Variants in NELL2 observed in about 807,000 individuals in gnomAD.
NELL2 encodes neural EGFL like 2.
Under a neutral mutation model 109.6 loss-of-function variants are expected in NELL2, and 41 were observed. The ratio of observed to expected loss-of-function variants is 0.37; its 90% confidence interval spans 0.29 to 0.49. The LOEUF (loss-of-function observed/expected upper bound fraction) is 0.49, where lower values mean the gene tolerates loss of function less well. NELL2 is among the 20% of genes least tolerant of loss of function. The pLI is 0.98. For synonymous variants in NELL2, 355 were observed against 344.7 expected, an observed-to-expected ratio of 1.03 and a Z score of -0.33; for missense variants, 900 against 1,008.3, an observed-to-expected ratio of 0.89 and a Z score of 1.45.
chr12:44,728,244 A>T (rs1939185104), intron 9 of NELL2, among the ~76,000 whole-genome samples: 1 of 152,066 alleles, frequency 6.6e-6, no homozygotes, highest in Admixed American at 6.5e-5. Context: ...ATAGACAGTA[A>T]TTTTTTTAAA....
rs529419878 is a variant in NELL2 at position 44,518,537 on chromosome 12, G to A, written c.2400+1468C>T. Among the ~76,000 whole-genome samples, 5 of 152,272 alleles carry A rather than the reference G, an allele frequency of 3.3e-5. 1 individual carries two copies. The highest frequency in any genetic ancestry group is 1.2e-4 in the African/African-American group (5 of 41,558). ...TGGGATTACAGGCGTGAGCCACCGT[G>A]CCCGGCCTCATTCAAATTCTTTACC... On this transcript the variant is annotated intron_variant, in intron 19 of 19. Transcript: ENST00000429094.
At chr12:44,539,750 G>C (rs1942463754) in intron 15 of NELL2, among the ~76,000 whole-genome samples, 2 of 152,044 alleles carry the variant, frequency 1.3e-5, no homozygotes, top group South Asian at 4.1e-4. Flanking sequence ...TTATCTCTAA[G>C]AGTAAATTTC....
chr12:44,893,115 C>A (rs1194754885), intron 1 of NELL2, among the ~76,000 whole-genome samples: 1 of 152,130 alleles, frequency 6.6e-6, no homozygotes, highest in Non-Finnish European at 1.5e-5. Flanking sequence ...GGTTAGAAGT[C>A]TGAAATCAGG....
chr12:44,874,235 A>T (rs1945248536), intron 2 of NELL2, among the ~76,000 whole-genome samples: 1 of 152,236 alleles, frequency 6.6e-6, no homozygotes, highest in African/African-American at 2.4e-5. Flanking sequence ...TTTCAAAGCC[A>T]TGGCACCAAA....
rs533635752 is a variant in NELL2 at position 44,649,270 on chromosome 12, C to T, written c.1444+16214G>A. Among the ~76,000 whole-genome samples the T allele has an allele frequency of 1.3e-4, 19 of 151,606 alleles. No homozygotes were observed. In the South Asian group the frequency reaches 3.5e-3, roughly 28 times the overall value. On this transcript the variant is annotated intron_variant, in intron 13 of 19. Coordinates refer to ENST00000429094, the MANE Select transcript of NELL2 (RefSeq NM_001145108.2). ...CTGCCTGCCTGCCTTGGTAATCCAG[C>T]GTCTGAACCACCTCTCTGTTTTGGA... is the stretch of plus-strand genomic sequence containing the variant.
intron 14 of NELL2, among the ~76,000 whole-genome samples, chr12:44,610,407 G>A (rs1330495596): frequency 6.6e-6 from 1 of 151,996 alleles, no homozygotes; most frequent in Non-Finnish European, 1.5e-5. Flanking sequence ...GTGCTAAACT[G>A]GATGAAAAGG....
At chr12:44,838,322 A>T (rs1944117310) in intron 2 of NELL2, among the ~76,000 whole-genome samples, 1 of 152,222 alleles carries the variant, frequency 6.6e-6, no homozygotes, top group Non-Finnish European at 1.5e-5. Context: ...AAAGGTAAGA[A>T]TGTCAATATG....
rs17574839 is a variant in NELL2 at position 44,714,697 on chromosome 12, T to C, written c.1039A>G (p.Asn347Asp). 93,612 of 1,601,014 alleles carry C rather than the reference T, an allele frequency of 0.058. 3,298 individuals are homozygous for C. Among genetic ancestry groups the C allele is most frequent in the Non-Finnish European group, 0.071 (82,962 of 1,173,332 alleles). Reference protein sequence around the residue: ...QGRTYFEGERNTVYSSSGVCV... With the variant: ...QGRTYFEGERDTVYSSSGVCV... The stretch of plus-strand genomic sequence containing the variant: ...ACTCCAGAAGAGGAATAGACTGTAT[T>C]TCTTTCTCCTTCAAAGTAGGTTCGT... Residue 347 changes from asparagine to aspartate, a missense_variant, in exon 10 of 20, where the codon AAT becomes GAT. By Grantham distance (23) the Asn-to-Asp change is conservative. Around this residue, in one of 4 missense-constraint regions of NELL2, gnomAD observed 292 missense variants for 265.3 expected, o/e 1.10. Coordinates refer to ENST00000429094, the MANE Select transcript of NELL2 (RefSeq NM_001145108.2).
In NELL2 at chr12:44,774,514, A is replaced by G. The variant is rs536883029; in HGVS notation, c.994+233T>C. 7.6e-5 allele frequency: 34 copies of G among 447,822 alleles called. 1 individual carries two copies. In the East Asian group the frequency reaches 1.3e-3, roughly 17 times the overall value. The allele number at this position is 447,822 out of a possible 1,614,324, so 27.7% of individuals were successfully genotyped here. ...TTTCTTACACATGTTTCCTACTACT[A>G]TCACTATATGGAATAGATTACTCCA... is the stretch of plus-strand genomic sequence containing the variant. On this transcript the variant is annotated intron_variant, in intron 9 of 19. Transcript: ENST00000429094.
intron 15 of NELL2, among the ~76,000 whole-genome samples, chr12:44,539,193 A>G (rs1942430286): frequency 6.6e-6 from 1 of 152,136 alleles, no homozygotes; most frequent in African/African-American, 2.4e-5. Context: ...TATTACACTG[A>G]CTTAATTAAT....
intron 14 of NELL2, among the ~76,000 whole-genome samples, chr12:44,608,484 T>C (rs1945489719): frequency 6.6e-6 from 1 of 152,024 alleles, no homozygotes. Flanking sequence ...AATCTACTTA[T>C]CTCTCAGATT....
intron 11 of NELL2, among the ~76,000 whole-genome samples, chr12:44,707,285 G>A (rs547825646): frequency 3.9e-5 from 6 of 152,170 alleles, no homozygotes; most frequent in Admixed American, 3.3e-4. Flanking sequence ...CTCAATTCTG[G>A]GGGTTTTATT....
intron 19 of NELL2, among the ~76,000 whole-genome samples, chr12:44,516,621 T>C (rs934712835): frequency 2.6e-5 from 4 of 152,204 alleles, no homozygotes; most frequent in African/African-American, 4.8e-5. Flanking sequence ...GTGAGTTGTT[T>C]ATTTATCCTT....
intron 15 of NELL2, among the ~76,000 whole-genome samples, chr12:44,591,692 T>A (rs1485879911): frequency 6.6e-6 from 1 of 152,214 alleles, no homozygotes; most frequent in African/African-American, 2.4e-5. Flanking sequence ...TCTAGCTTTT[T>A]ATAGCACTGT....
At chr12:44,660,050 G>A (rs1462295743) in intron 13 of NELL2, among the ~76,000 whole-genome samples, 3 of 152,128 alleles carry the variant, frequency 2.0e-5, no homozygotes, top group African/African-American at 2.4e-5. Flanking sequence ...TCCGGGTTTT[G>A]ATAGAAGAAA....
At chr12:44,597,036 T>A (rs1291747683) in intron 15 of NELL2, among the ~76,000 whole-genome samples, 1 of 152,174 alleles carries the variant, frequency 6.6e-6, no homozygotes, top group Non-Finnish European at 1.5e-5. Context: ...ATCTTAAGTG[T>A]CCTTAGCATT....
chr12:44,592,522 T>A (rs1489485845), intron 15 of NELL2, among the ~76,000 whole-genome samples: 2 of 150,164 alleles, frequency 1.3e-5, no homozygotes, highest in Admixed American at 6.6e-5. Context: ...AAGAGGGAGA[T>A]AGAGAGAGAG....
intron 14 of NELL2, among the ~76,000 whole-genome samples, chr12:44,607,532 A>G (rs1945452355): frequency 6.6e-6 from 1 of 152,136 alleles, no homozygotes; most frequent in South Asian, 2.1e-4. Context: ...TTTACACAAT[A>G]GGAAGTACAT....
chr12:44,648,208 T>A (rs1242791639), intron 13 of NELL2, among the ~76,000 whole-genome samples: 1 of 152,304 alleles, frequency 6.6e-6, no homozygotes, highest in South Asian at 2.1e-4. Flanking sequence ...ATGCCTTCTG[T>A]CAAATCTTTG....
Sources: allele counts gnomAD v4.1 joint callset (sites outside exome capture counted in the v4.1 genomes callset), GRCh38; gene constraint gnomAD v4.1.1; regional missense constraint gnomAD v4.1.1; transcripts MANE v1.5; gene names NCBI Gene and HGNC (gene_info 2026-07-23, HGNC 2026-07-21).